ERBB4: variants seen among roughly 807,000 people sequenced by gnomAD.
The protein encoded by ERBB4 is erb-b2 receptor tyrosine kinase 4.
In ERBB4, 42 loss-of-function variants were observed where a neutral mutation model predicts 158.0. That is an observed-to-expected ratio of 0.27 (90% confidence interval 0.21 to 0.34). ERBB4 has a LOEUF of 0.34. ERBB4 is among the 10% of genes least tolerant of loss of function. The pLI is 1.00. For synonymous variants in ERBB4, 583 were observed against 558.7 expected (o/e 1.04, Z -0.61); for missense variants, 1,333 against 1,624.1 (o/e 0.82, Z 3.08).
intron 1 of ERBB4, among the ~76,000 whole-genome samples, chr2:212,191,525 ACCTGTTATATATAACACATGTGTTATG>A (rs1252297596): frequency 0.032 from 4,349 of 135,984 alleles, 754 homozygotes; most frequent in East Asian, 0.062. Context: ...TACATGTTAT[ACCTGTTATATATAACACATGTGTTATG>A]CCTGTTATAT....
At chr2:211,657,154 G>C (rs1408619809) in intron 16 of ERBB4, among the ~76,000 whole-genome samples, 1 of 151,874 alleles carries the variant, frequency 6.6e-6, no homozygotes, top group East Asian at 1.9e-4. Context: ...TGAATTAAGA[G>C]CAAAAAATAT....
At chr2:211,976,676 T>G (rs1241401881) in intron 2 of ERBB4, among the ~76,000 whole-genome samples, 2 of 152,014 alleles carry the variant, frequency 1.3e-5, no homozygotes, top group African/African-American at 4.8e-5. Flanking sequence ...ATATTTATTT[T>G]TCATCTTGTC....
chr2:211,868,697 A>T (rs1256925549), intron 3 of ERBB4, among the ~76,000 whole-genome samples: 1 of 152,130 alleles, frequency 6.6e-6, no homozygotes, highest in Non-Finnish European at 1.5e-5. Context: ...CAAGATTCTG[A>T]TACTCTATAC....
At chr2:212,344,034 C>A (rs1252846863) in intron 1 of ERBB4, among the ~76,000 whole-genome samples, 1 of 151,932 alleles carries the variant, frequency 6.6e-6, no homozygotes, top group Non-Finnish European at 1.5e-5. Context: ...AATAAGAAAT[C>A]ATTTTAAATT....
At chr2:212,305,973 T>C (rs1422285074) in intron 1 of ERBB4, among the ~76,000 whole-genome samples, 2 of 151,474 alleles carry the variant, frequency 1.3e-5, no homozygotes, top group Admixed American at 6.6e-5. Flanking sequence ...ATGATATCTG[T>C]ATAAGTAAAT....
chr2:212,155,161 C>T (rs1388758373), intron 1 of ERBB4, among the ~76,000 whole-genome samples: 1 of 152,036 alleles, frequency 6.6e-6, no homozygotes, highest in Admixed American at 6.6e-5. Context: ...TTATTTAAAG[C>T]TTGTCTTAAG....
chr2:211,773,179 C>T (rs974584890), intron 4 of ERBB4, among the ~76,000 whole-genome samples: 16 of 150,540 alleles, frequency 1.1e-4, no homozygotes, highest in Non-Finnish European at 1.8e-4. Flanking sequence ...GACGGGAGTC[C>T]TTGGTAGCAG....
In ERBB4 at chr2:212,206,589, C is replaced by CTTTTTTTTTTTTTTTTT. The variant is rs5838309; in HGVS notation, c.83-81687_83-81686insAAAAAAAAAAAAAAAAA. Among the ~76,000 whole-genome samples the CTTTTTTTTTTTTTTTTT allele has an allele frequency of 6.3e-3, 734 of 116,258 alleles. 94 individuals carry two copies. Among genetic ancestry groups the CTTTTTTTTTTTTTTTTT allele is most frequent in the African/African-American group, 0.025 (694 of 27,522 alleles). 76.3% of individuals were successfully genotyped at this position (116,258 alleles called of 152,430 possible). A position where few individuals can be genotyped will look rare whatever the true frequency, so the allele number is the denominator to read the frequency against. On this transcript the variant is annotated intron_variant, in intron 1 of 27. Transcript: ENST00000342788. ...ATGAACTGTCTCCGTCTGTTCTGTT[C>CTTTTTTTTTTTTTTTTT]TTTTTTTTTTTTTTTTGAGACGGAG...
chr2:211,559,275 T>A (rs2067321184), intron 20 of ERBB4, among the ~76,000 whole-genome samples: 1 of 152,196 alleles, frequency 6.6e-6, no homozygotes, highest in South Asian at 2.1e-4. Context: ...CATTCTTATA[T>A]CGCCTCAATC....
chr2:211,933,936 A>G (rs2080243107), intron 3 of ERBB4, among the ~76,000 whole-genome samples: 2 of 152,066 alleles, frequency 1.3e-5, no homozygotes, highest in South Asian at 2.1e-4. Flanking sequence ...TGTTTCAATA[A>G]ATAAAATGTG....
chr2:212,147,912 G>T (rs938344287), intron 1 of ERBB4, among the ~76,000 whole-genome samples: 3 of 152,050 alleles, frequency 2.0e-5, no homozygotes, highest in Non-Finnish European at 4.4e-5. Flanking sequence ...CCTTTTCTGT[G>T]ATTTATCCTT....
At chr2:211,738,131 A>C (rs1399663183) in intron 5 of ERBB4, among the ~76,000 whole-genome samples, 1 of 152,066 alleles carries the variant, frequency 6.6e-6, no homozygotes, top group East Asian at 1.9e-4. Flanking sequence ...CCTATTTATA[A>C]TCTACCAAGA....
chr2:211,967,789 T>A (rs188222046), intron 2 of ERBB4, among the ~76,000 whole-genome samples: 262 of 152,112 alleles, frequency 1.7e-3, no homozygotes, highest in Admixed American at 4.8e-3. Context: ...TAACATATAA[T>A]CTTATTAATT....
At chr2:211,713,007 C>T (rs2073761523) in intron 8 of ERBB4, among the ~76,000 whole-genome samples, 1 of 152,064 alleles carries the variant, frequency 6.6e-6, no homozygotes, top group South Asian at 2.1e-4. Flanking sequence ...GAGATTCCTT[C>T]CTCCGCTAAA....
At chr2:212,036,250 CA>C (rs1457835417) in intron 2 of ERBB4, among the ~76,000 whole-genome samples, 1 of 151,864 alleles carries the variant, frequency 6.6e-6, no homozygotes, top group Non-Finnish European at 1.5e-5. Context: ...TGTCTTCAAA[CA>C]AAACTTGATT....
intron 9 of ERBB4, among the ~76,000 whole-genome samples, chr2:211,711,244 T>C (rs2073689267): frequency 6.6e-6 from 1 of 152,200 alleles, no homozygotes; most frequent in Non-Finnish European, 1.5e-5. Flanking sequence ...ATTCATAATA[T>C]GTCAAATTAG....
intron 24 of ERBB4, 127 bp downstream of exon 24, chr2:211,421,880 T>C (rs2063521816): frequency 1.4e-6 from 1 of 713,248 alleles, no homozygotes. Flanking sequence ...TCATGTCACA[T>C]GATAATTCTG....
intron 3 of ERBB4, among the ~76,000 whole-genome samples, chr2:211,915,991 A>G (rs576597160): frequency 6.6e-6 from 1 of 152,054 alleles, no homozygotes; most frequent in Non-Finnish European, 1.5e-5. Context: ...TTTTAATAGT[A>G]AACTAAATTT....
chr2:211,545,329 AC>A (rs1342774466), intron 20 of ERBB4, among the ~76,000 whole-genome samples: 1 of 152,066 alleles, frequency 6.6e-6, no homozygotes, highest in Non-Finnish European at 1.5e-5. Flanking sequence ...AATAGTAATG[AC>A]ATCATGGAAG....
Sources: allele counts gnomAD v4.1 joint callset (sites outside exome capture counted in the v4.1 genomes callset), GRCh38; gene constraint gnomAD v4.1.1; transcripts MANE v1.5; gene names NCBI Gene and HGNC (gene_info 2026-07-23, HGNC 2026-07-21).